Variants in ADAMTSL1 observed in about 807,000 individuals in gnomAD.
ADAMTSL1 encodes the protein ADAMTS-like protein 1.
ADAMTSL1 carries 126 observed loss-of-function variants against 201.8 expected under a neutral mutation model. The observed-to-expected ratio is 0.62, with a 90% CI of 0.54 to 0.72. ADAMTSL1 has a LOEUF of 0.72. ADAMTSL1 is among the 30% of genes least tolerant of loss of function. The pLI, the probability that ADAMTSL1 is intolerant of heterozygous loss-of-function variation, is 0.00. For missense variants in ADAMTSL1, 2,679 were observed against 2,277.8 expected (o/e 1.18, Z -3.59); for synonymous variants, 1,121 against 903.4 (o/e 1.24, Z -4.32).
intron 1 of ADAMTSL1, among the ~76,000 whole-genome samples, chr9:17,970,285 A>C (rs1268108189): frequency 2.0e-5 from 3 of 151,992 alleles, no homozygotes; most frequent in Admixed American, 6.6e-5. Flanking sequence ...AAGTCCTCAA[A>C]ACTACCCCCT....
intron 2 of ADAMTSL1, among the ~76,000 whole-genome samples, chr9:18,318,881 C>T (rs535339634): frequency 7.2e-5 from 11 of 152,180 alleles, no homozygotes; most frequent in Non-Finnish European, 1.2e-4. Flanking sequence ...TTATTTAGTG[C>T]GTGTGTCCAC....
At chr9:18,170,014 G>C (rs959176047) in intron 2 of ADAMTSL1, among the ~76,000 whole-genome samples, 1 of 151,936 alleles carries the variant, frequency 6.6e-6, no homozygotes, top group Non-Finnish European at 1.5e-5. Context: ...CAGCACATTT[G>C]CTACTTTGAG....
chr9:18,595,415 C>T (rs1824198960), intron 4 of ADAMTSL1, among the ~76,000 whole-genome samples: 1 of 152,102 alleles, frequency 6.6e-6, no homozygotes, highest in East Asian at 1.9e-4. Flanking sequence ...AGACTGGGCC[C>T]CCTTGAGATC....
chr9:18,470,940 C>T (rs1303636256), upstream of ADAMTSL1, among the ~76,000 whole-genome samples: 1 of 152,220 alleles, frequency 6.6e-6, no homozygotes, highest in Non-Finnish European at 1.5e-5. Flanking sequence ...CTGCTGCTCA[C>T]ACACTTGCAG....
intron 2 of ADAMTSL1, among the ~76,000 whole-genome samples, chr9:18,204,416 C>A (rs1483866448): frequency 6.6e-6 from 1 of 151,822 alleles, no homozygotes; most frequent in Admixed American, 6.6e-5. Flanking sequence ...TTGTAAGTTT[C>A]TTGAGGCCTC....
chr9:18,698,725 A>C (rs1396431484), intron 13 of ADAMTSL1, among the ~76,000 whole-genome samples: 1 of 152,216 alleles, frequency 6.6e-6, no homozygotes, highest in Non-Finnish European at 1.5e-5. Context: ...TTTCAAGAAG[A>C]AGTACTTGCA....
intron 23 of ADAMTSL1, among the ~76,000 whole-genome samples, chr9:18,860,415 C>T (rs1476511396): frequency 1.3e-5 from 2 of 151,974 alleles, no homozygotes; most frequent in Admixed American, 6.6e-5. Context: ...TATGTATTGT[C>T]TATGGCTGAT....
chr9:18,483,671 C>G (rs1413949304), intron 1 of ADAMTSL1, among the ~76,000 whole-genome samples: 1 of 152,002 alleles, frequency 6.6e-6, no homozygotes, highest in Non-Finnish European at 1.5e-5. Flanking sequence ...ACTAAAAATA[C>G]AAAAAATTAC....
chr9:18,065,266 A>G (rs1293749624), intron 1 of ADAMTSL1, among the ~76,000 whole-genome samples: 1 of 152,146 alleles, frequency 6.6e-6, no homozygotes, highest in Non-Finnish European at 1.5e-5. Flanking sequence ...GTACACAGAG[A>G]TGGAATAAGC....
intron 16 of ADAMTSL1, 72 bp downstream of exon 16, chr9:18,753,580 G>A: frequency 6.6e-7 from 1 of 1,514,594 alleles, no homozygotes; most frequent in Non-Finnish European, 8.9e-7. Context: ...TGCTCTCTCA[G>A]AGTGGTTTTG....
Position 17,986,574 on chromosome 9 carries a change from T to C in ADAMTSL1, c.87+79652T>C, listed in dbSNP as rs537257019. ...CTGCATTTCTCAAAGGTAAGACACA[T>C]GCTCAAGTTAAGATTATATTGAATT... On this transcript the variant is annotated intron_variant, in intron 1 of 29. Coordinates refer to the ADAMTSL1 transcript ENST00000680146. Among the ~76,000 whole-genome samples, 3 of 152,226 alleles carry C rather than the reference T, an allele frequency of 2.0e-5. No individual in the cohort carries two copies. The South Asian group carries it at 6.2e-4, about 32-fold the overall frequency.
chr9:17,937,672 T>A (rs1359848770), intron 1 of ADAMTSL1, among the ~76,000 whole-genome samples: 1 of 152,144 alleles, frequency 6.6e-6, no homozygotes, highest in African/African-American at 2.4e-5. Flanking sequence ...TGAGGTTAGT[T>A]GAGAATTGGC....
At chr9:18,313,709 A>G (rs1834242317) in intron 2 of ADAMTSL1, among the ~76,000 whole-genome samples, 3 of 152,226 alleles carry the variant, frequency 2.0e-5, no homozygotes, top group Non-Finnish European at 4.4e-5. Flanking sequence ...CTCCTAGGAC[A>G]TGAGCAGTGT....
chr9:18,876,135 ATG>A (rs1382107437), intron 23 of ADAMTSL1, among the ~76,000 whole-genome samples: 4 of 151,972 alleles, frequency 2.6e-5, no homozygotes, highest in Non-Finnish European at 4.4e-5. Flanking sequence ...GTGAGTCCTT[ATG>A]TGTTAGGTGA....
upstream of ADAMTSL1, among the ~76,000 whole-genome samples, chr9:18,473,591 GA>G (rs1821306329): frequency 6.6e-6 from 1 of 152,118 alleles, no homozygotes; most frequent in African/African-American, 2.4e-5. Context: ...AGTCAAGAGA[GA>G]AAGTAAAGAG....
At chr9:17,927,423 T>G (rs1024247282) in intron 1 of ADAMTSL1, among the ~76,000 whole-genome samples, 4 of 152,058 alleles carry the variant, frequency 2.6e-5, no homozygotes, top group African/African-American at 9.7e-5. Context: ...TGTATATACA[T>G]GTATACATAT....
chr9:18,207,170 A>T (rs935162648), intron 2 of ADAMTSL1, among the ~76,000 whole-genome samples: 4 of 151,964 alleles, frequency 2.6e-5, no homozygotes, highest in South Asian at 2.1e-4. Flanking sequence ...CATCTCAAAG[A>T]AAAAAAAGAA....
intron 2 of ADAMTSL1, among the ~76,000 whole-genome samples, chr9:18,520,126 A>G (rs74545057): frequency 0.046 from 6,978 of 152,254 alleles, 458 homozygotes; most frequent in African/African-American, 0.14. Context: ...AAACTCCACA[A>G]TTCAGCCTAT....
At chr9:18,830,929 T>G (rs1225606531) in intron 23 of ADAMTSL1, among the ~76,000 whole-genome samples, 2 of 152,212 alleles carry the variant, frequency 1.3e-5, no homozygotes, top group African/African-American at 2.4e-5. Context: ...GCTAGAATTA[T>G]TCCTGTGGCT....
Sources: gnomAD v4.1 joint callset for allele counts (sites outside exome capture counted in the v4.1 genomes callset) on GRCh38, gnomAD v4.1.1 for gene constraint, MANE v1.5 for transcripts, NCBI Gene and HGNC (gene_info 2026-07-23, HGNC 2026-07-21) for gene names.